The following TMEM67 variants were observed in gnomAD, a reference collection of about 807,000 sequenced individuals.
TMEM67 encodes the protein transmembrane protein 67.
TMEM67 carries 124 observed loss-of-function variants against 136.6 expected under a neutral mutation model. That is an observed-to-expected ratio of 0.91 (90% CI 0.78 to 1.05). TMEM67 has a LOEUF of 1.05. Among genes scored for constraint, TMEM67 ranks in the 50% least tolerant of loss-of-function variants. TMEM67 has a pLI of 0.00. For synonymous variants in TMEM67, 364 were observed against 390.5 expected (o/e 0.93, Z 0.80); for missense variants, 1,107 against 1,178.4 (o/e 0.94, Z 0.89).
intron 16 of TMEM67, chr8:93,795,136 G>C (rs1326204267): frequency 3.9e-6 from 2 of 510,166 alleles, no homozygotes; most frequent in African/African-American, 3.8e-5. Context: ...TCCCAACTAA[G>C]AGAAAATTAG....
intron 23 of TMEM67, among the ~76,000 whole-genome samples, chr8:93,805,462 T>C (rs541745802): frequency 6.6e-5 from 10 of 151,930 alleles, no homozygotes; most frequent in African/African-American, 2.2e-4. Context: ...CGGGCGCCTG[T>C]AGTCCCAGCT....
At chr8:93,819,078 C>T (rs2130808065), downstream of TMEM67, 1 of 453,074 alleles carries the variant, frequency 2.2e-6, no homozygotes, top group East Asian at 7.0e-5. Flanking sequence ...GCTGGGATTA[C>T]AGGTGTCAGC....
At chr8:93,777,268 G>T (rs1295041425) in intron 7 of TMEM67, among the ~76,000 whole-genome samples, 1 of 152,040 alleles carries the variant, frequency 6.6e-6, no homozygotes, top group South Asian at 2.1e-4. Context: ...CTCGCTAGCG[G>T]TCTATCAATT....
chr8:93,762,437 T>A (rs1025381609), intron 3 of TMEM67, among the ~76,000 whole-genome samples: 1 of 151,560 alleles, frequency 6.6e-6, no homozygotes. Context: ...CCTCAAGCAG[T>A]CCTCCTGCCT....
In TMEM67 at chr8:93,816,640, C is replaced by T. The variant is rs1808921414; in HGVS notation, c.*188C>T. On this transcript the variant is annotated 3_prime_UTR_variant, in exon 28 of 28. Transcript: ENST00000453321. ...CTGATATAATAGAAAATACTGTTTT[C>T]CCATTGTGTGTAGTATTTAATGCAG... 2.2e-6 allele frequency: 1 copy of T among 446,338 alleles called. No homozygotes were observed. The highest frequency in any genetic ancestry group is 2.0e-5 in the African/African-American group (1 of 50,438). The allele number at this position is 446,338 out of a possible 1,614,324, so 27.6% of individuals were successfully genotyped here.
rs373763408 is a variant in TMEM67 at position 93,797,459 on chromosome 8, T to C, written c.2089T>C (p.Phe697Leu). The C allele has an allele frequency of 3.7e-6, 6 of 1,613,564 alleles. No individual in the cohort carries two copies. The African/African-American group carries it at 6.7e-5, about 18-fold the overall frequency. Residue 697 changes from phenylalanine (F) to leucine (L), a missense_variant, in exon 20 of 28, where the codon TTC (phenylalanine) becomes CTC (leucine). This residue lies in a region of TMEM67 where 925 missense variants were observed against 1,002.4 expected (regional missense o/e 0.92). Transcript: ENST00000453321. ...NSLFQVLTVL[F>L]FLEVVGFKNL... Reference sequence around the variant, plus strand: ...ACTCTTTCAAGTACTTACTGTCCTCTTCTTTTTGGAGGTATAAACTGTTTG... The same window carrying C: ...ACTCTTTCAAGTACTTACTGTCCTCCTCTTTTTGGAGGTATAAACTGTTTG...
intron 3 of TMEM67, among the ~76,000 whole-genome samples, chr8:93,760,405 A>G (rs1812775817): frequency 6.6e-6 from 1 of 152,236 alleles, no homozygotes; most frequent in African/African-American, 2.4e-5. Context: ...AAGTGGGGAT[A>G]AAACTGATTA....
At chr8:93,791,143 T>C (rs1041440700) in intron 14 of TMEM67, 120 bp from the exon 15 acceptor site, 7 of 670,316 alleles carry the variant, frequency 1.0e-5, no homozygotes, top group South Asian at 1.8e-5. Flanking sequence ...TCTAGTAATA[T>C]TGATAGTTAA....
At chr8:93,771,044 C>T (rs931577985) in intron 6 of TMEM67, among the ~76,000 whole-genome samples, 4 of 151,926 alleles carry the variant, frequency 2.6e-5, no homozygotes, top group South Asian at 4.2e-4. Context: ...ATTTCTTGGT[C>T]ATAGTTGTGT....
rs1354578953 is a variant in TMEM67, at chr8:93,785,245, C to T, written c.1155C>T (p.Ile385=). The change falls in exon 12 of 28, where the codon ATC becomes ATT. Residue 385 remains isoleucine (I), a synonymous_variant. Transcript: ENST00000453321. ...QQNCEIPISK[I]LIDFPTPIFY... Reference sequence around the variant, plus strand: ...AGTGTGAGATTCCTATCTCTAAGATCTTAATTGACTTTCCCACTCCTATAT... The same window carrying T: ...AGTGTGAGATTCCTATCTCTAAGATTTTAATTGACTTTCCCACTCCTATAT... 1 of 1,589,910 alleles carries T rather than the reference C, an allele frequency of 6.3e-7. No individual in the cohort carries two copies. The highest frequency in any genetic ancestry group is 1.7e-5 in the Admixed American group (1 of 59,876).
At chr8:93,758,702 A>G in intron 3 of TMEM67, 126 bp downstream of exon 3, 4 of 784,494 alleles carry the variant, frequency 5.1e-6, no homozygotes. Context: ...GGCTCAAGCA[A>G]TTCTCCTGCC....
Position 93,816,578 on chromosome 8 carries a change from CAGAA to C in TMEM67, c.*130_*133del. On this transcript the variant is annotated 3_prime_UTR_variant, in exon 28 of 28. Coordinates refer to ENST00000453321, the MANE Select transcript of TMEM67 (RefSeq NM_153704.6). ...CTATTCTGTTTTTGTTTTTTATTTG[CAGAA>C]AGATTTATTTTTATAACTTGGGAAT... 2 of 539,778 alleles carry C rather than the reference CAGAA, an allele frequency of 3.7e-6. No homozygotes were observed. Among genetic ancestry groups the C allele is most frequent in the Non-Finnish European group, 6.7e-6 (2 of 297,160 alleles). The allele number at this position is 539,778 out of a possible 1,614,324, so 33.4% of individuals were successfully genotyped here. A position where few individuals can be genotyped will look rare whatever the true frequency, so the allele number is the denominator to read the frequency against.
At chr8:93,776,684 G>A (rs1813558255) in intron 7 of TMEM67, among the ~76,000 whole-genome samples, 1 of 152,230 alleles carries the variant, frequency 6.6e-6, no homozygotes, top group African/African-American at 2.4e-5. Flanking sequence ...AACCAGCCTA[G>A]CATCCCAGGG....
intron 3 of TMEM67, chr8:93,762,068 A>C (rs1318511150): frequency 6.6e-6 from 1 of 152,174 alleles, no homozygotes; most frequent in East Asian, 1.9e-4. Flanking sequence ...CACCCTGGCC[A>C]ACATGGTGAA....
chr8:93,793,022 C>A (rs1249859632), intron 15 of TMEM67, among the ~76,000 whole-genome samples, 176 bp from the exon 16 acceptor site: 1 of 151,882 alleles, frequency 6.6e-6, no homozygotes, highest in Non-Finnish European at 1.5e-5. Flanking sequence ...CCGCCTGCCT[C>A]GGCCTCCCAA....
chr8:93,804,934 A>T (rs997242602), intron 23 of TMEM67, 56 bp downstream of exon 23: 6 of 1,009,726 alleles, frequency 5.9e-6, no homozygotes, highest in Non-Finnish European at 9.3e-6. Context: ...ATTCTTATAA[A>T]TGCTGGATTT....
chr8:93,779,223 C>T (rs1347683531), intron 7 of TMEM67, among the ~76,000 whole-genome samples: 1 of 152,206 alleles, frequency 6.6e-6, no homozygotes, highest in Non-Finnish European at 1.5e-5. Flanking sequence ...TTAAGGTCTT[C>T]TCTACACTGT....
At chr8:93,818,309 A>G (rs957818377), downstream of TMEM67, among the ~76,000 whole-genome samples, 14 of 152,188 alleles carry the variant, frequency 9.2e-5, no homozygotes, top group African/African-American at 3.4e-4. Context: ...ATGAAACAAA[A>G]CCTAGAGAGG....
intron 26 of TMEM67, among the ~76,000 whole-genome samples, chr8:93,814,962 T>A (rs1205061128): frequency 6.6e-6 from 1 of 152,238 alleles, no homozygotes; most frequent in African/African-American, 2.4e-5. Flanking sequence ...ATTTACTGTA[T>A]CTTAGGGAAT....
Sources: gnomAD v4.1 joint callset for allele counts (sites outside exome capture counted in the v4.1 genomes callset) on GRCh38, gnomAD v4.1.1 for gene constraint, gnomAD v4.1.1 regional missense constraint, MANE v1.5 for transcripts, NCBI Gene and HGNC (gene_info 2026-07-23, HGNC 2026-07-21) for gene names.